PTK2: variants seen among roughly 807,000 people sequenced by gnomAD.
PTK2 encodes the protein protein tyrosine kinase 2.
PTK2 carries 45 observed loss-of-function variants against 150.1 expected under a neutral mutation model. The observed-to-expected ratio is 0.30, with a 90% CI of 0.24 to 0.38. The LOEUF is 0.38. Among genes scored for constraint, PTK2 ranks in the 10% least tolerant of loss-of-function variants. PTK2 has a pLI of 1.00. For missense variants in PTK2, 919 were observed against 1,307.3 expected (o/e 0.70, Z 4.58); for synonymous variants, 432 against 449.2 (o/e 0.96, Z 0.48).
intron 1 of PTK2, among the ~76,000 whole-genome samples, chr8:140,988,495 C>T (rs1208407226): frequency 6.6e-6 from 1 of 152,022 alleles, no homozygotes; most frequent in East Asian, 1.9e-4. Context: ...TTTGGGAGGC[C>T]AAGGCAGGCG....
chr8:140,949,210 C>A (rs1364095809), intron 1 of PTK2, among the ~76,000 whole-genome samples: 1 of 152,144 alleles, frequency 6.6e-6, no homozygotes, highest in South Asian at 2.1e-4. Flanking sequence ...TGTAAAAATA[C>A]AGTATATAAT....
chr8:140,975,803 G>A (rs2100189074), intron 1 of PTK2, among the ~76,000 whole-genome samples: 2 of 152,142 alleles, frequency 1.3e-5, no homozygotes, highest in South Asian at 2.1e-4. Context: ...ACATCATGCT[G>A]CATGCCAGGG....
chr8:140,869,960 C>T (rs1282597732), intron 4 of PTK2, among the ~76,000 whole-genome samples: 1 of 150,816 alleles, frequency 6.6e-6, no homozygotes, highest in Non-Finnish European at 1.5e-5. Context: ...ATAATATATA[C>T]AATTAAATAC....
intron 7 of PTK2, among the ~76,000 whole-genome samples, chr8:140,845,698 G>A (rs1370126088): frequency 6.6e-6 from 1 of 152,084 alleles, no homozygotes; most frequent in Admixed American, 6.5e-5. Flanking sequence ...TAGCTACAAA[G>A]GACTCAGTGT....
intron 5 of PTK2, among the ~76,000 whole-genome samples, chr8:140,863,101 T>C (rs2100137180): frequency 6.6e-6 from 1 of 152,158 alleles, no homozygotes; most frequent in South Asian, 2.1e-4. Context: ...CTTACCTTCT[T>C]ACCTCCTTCT....
intron 17 of PTK2, among the ~76,000 whole-genome samples, chr8:140,748,836 G>T (rs2100061099): frequency 1.3e-5 from 2 of 152,196 alleles, no homozygotes; most frequent in Non-Finnish European, 2.9e-5. Context: ...AGAACTATAG[G>T]ATCTCAAAAC....
At chr8:140,686,528 C>A in intron 27 of PTK2, 104 bp downstream of exon 30, 2 of 887,342 alleles carry the variant, frequency 2.3e-6, no homozygotes, top group Non-Finnish European at 3.7e-6. Flanking sequence ...ATATTCTGTT[C>A]CCTATTACAA....
intron 10 of PTK2, among the ~76,000 whole-genome samples, chr8:140,807,454 T>A (rs1192760080): frequency 6.6e-6 from 1 of 152,056 alleles, no homozygotes; most frequent in East Asian, 1.9e-4. Context: ...ATAAGCAAAC[T>A]GACTAAGGTA....
At chr8:140,691,435 ACTCT>A (rs1216029338) in intron 26 of PTK2, among the ~76,000 whole-genome samples, 1 of 151,916 alleles carries the variant, frequency 6.6e-6, no homozygotes, top group African/African-American at 2.4e-5. Context: ...TCATTTTAAA[ACTCT>A]CAACCAATTC....
chr8:140,903,473 G>A (rs2100159602), intron 2 of PTK2, among the ~76,000 whole-genome samples: 1 of 152,114 alleles, frequency 6.6e-6, no homozygotes, highest in African/African-American at 2.4e-5. Context: ...TTAGGATTGA[G>A]TTGGCTATGC....
At chr8:140,680,314 G>A (rs1367465318) in intron 27 of PTK2, among the ~76,000 whole-genome samples, 1 of 152,126 alleles carries the variant, frequency 6.6e-6, no homozygotes, top group Admixed American at 6.5e-5. Flanking sequence ...TGCAACCTCC[G>A]CCTCCCAGGT....
intron 7 of PTK2, among the ~76,000 whole-genome samples, chr8:140,838,756 C>T (rs2100120363): frequency 6.6e-6 from 1 of 152,106 alleles, no homozygotes; most frequent in African/African-American, 2.4e-5. Flanking sequence ...CTTGTAAGCC[C>T]AGCACTTTGG....
intron 2 of PTK2, among the ~76,000 whole-genome samples, chr8:140,900,470 C>G (rs149527650): frequency 7.2e-5 from 11 of 152,134 alleles, no homozygotes; most frequent in Middle Eastern, 6.8e-3. Flanking sequence ...GCCTGTAATC[C>G]CAGCACTTTG....
chr8:140,668,247 A>C, intron 30 of PTK2, 22 bp downstream of exon 34: 1 of 1,613,724 alleles, frequency 6.2e-7, no homozygotes, highest in Non-Finnish European at 8.5e-7. Context: ...TTTTGCCAGT[A>C]CACAAAATGA....
chr8:140,823,852 C>T (rs1158077609), intron 8 of PTK2, among the ~76,000 whole-genome samples: 1 of 152,166 alleles, frequency 6.6e-6, no homozygotes, highest in Non-Finnish European at 1.5e-5. Context: ...TTTTCTTCTT[C>T]CTCCTCCCAC....
chr8:140,783,507 T>C (rs1055778035), intron 14 of PTK2, among the ~76,000 whole-genome samples: 14 of 152,314 alleles, frequency 9.2e-5, no homozygotes, highest in African/African-American at 2.9e-4. Context: ...TATTTATAAG[T>C]GGCATAGTCA....
chr8:140,666,938 A>G (rs1181422438), intron 30 of PTK2, among the ~76,000 whole-genome samples: 3 of 152,228 alleles, frequency 2.0e-5, no homozygotes, highest in African/African-American at 7.2e-5. Flanking sequence ...ACTCTGCCCT[A>G]AAAAGGAAGA....
chr8:140,675,829 T>C (rs187396318), intron 27 of PTK2: 152 of 198,512 alleles, frequency 7.7e-4, no homozygotes, highest in African/African-American at 3.0e-3. Flanking sequence ...GAAAATGAAC[T>C]AGAAAAACTC....
intron 12 of PTK2, 112 bp downstream of exon 12, chr8:140,800,347 T>C (rs2100094257): frequency 1.1e-6 from 1 of 872,118 alleles, no homozygotes; most frequent in African/African-American, 1.6e-5. Context: ...GAATTATTCA[T>C]TTGGTCTTCA....
Sources: gnomAD v4.1 joint callset for allele counts (sites outside exome capture counted in the v4.1 genomes callset) on GRCh38, gnomAD v4.1.1 for gene constraint, MANE v1.5 for transcripts, NCBI Gene and HGNC (gene_info 2026-07-23, HGNC 2026-07-21) for gene names.